The following OIP5 variants were observed in gnomAD, a reference collection of about 807,000 sequenced individuals.
OIP5 encodes the protein Opa interacting protein 5, also known as protein Mis18-beta.
In OIP5, 24 loss-of-function variants were observed where a neutral mutation model predicts 20.3. The observed-to-expected ratio is 1.18, with a 90% CI of 0.86 to 1.66. OIP5 has a LOEUF of 1.66. Among genes scored for constraint, OIP5 ranks in the 40% most tolerant of loss-of-function variants. OIP5 has a pLI of 0.00. For missense variants in OIP5, 339 were observed against 289.5 expected, an observed-to-expected ratio of 1.17 and a Z score of -1.24; for synonymous variants, 143 against 121.3, an observed-to-expected ratio of 1.18 and a Z score of -1.17.
chr15:41,311,778 T>C (rs1429713184), intron 4 of OIP5, among the ~76,000 whole-genome samples: 1 of 152,126 alleles, frequency 6.6e-6, no homozygotes, highest in East Asian at 1.9e-4. Context: ...TTCACCATCT[T>C]GGCCAGGCTG....
Position 41,321,732 on chromosome 15 carries a change from CCTT to C in OIP5, c.390-1955_390-1953del, listed in dbSNP as rs1430319566. ...AACAGATGCTTGAAGGCAGCATGCT[CCTT>C]AAGAGTCATCACCACTCCCTAATCT... is the stretch of plus-strand genomic sequence containing the variant. On this transcript the variant is annotated intron_variant, in intron 2 of 4. Coordinates refer to ENST00000220514, the MANE Select transcript of OIP5 (RefSeq NM_007280.2). 3.9e-3 allele frequency among the ~76,000 whole-genome samples: 591 copies of C among 151,560 alleles called. 4 individuals are homozygous for C. The highest frequency in any genetic ancestry group is 0.014 in the African/African-American group (565 of 41,298).
At chr15:41,315,273 T>C (rs2047782826) in intron 3 of OIP5, among the ~76,000 whole-genome samples, 2 of 151,492 alleles carry the variant, frequency 1.3e-5, no homozygotes, top group Non-Finnish European at 1.5e-5. Flanking sequence ...CTAATAAAAA[T>C]ACAAAAATTA....
At chr15:41,327,621 C>G (rs936470851) in intron 2 of OIP5, among the ~76,000 whole-genome samples, 2 of 151,852 alleles carry the variant, frequency 1.3e-5, no homozygotes, top group African/African-American at 4.8e-5. Context: ...AACCCCGTCT[C>G]TACTAAAATA....
At chr15:41,319,906 G>C in intron 2 of OIP5, 126 bp from the exon 3 acceptor site, 2 of 710,576 alleles carry the variant, frequency 2.8e-6, no homozygotes, top group African/African-American at 3.6e-5. Context: ...ATAGGAATGA[G>C]ACGGAAAGAA....
chr15:41,326,578 C>G (rs1355592471), intron 2 of OIP5, among the ~76,000 whole-genome samples: 1 of 152,168 alleles, frequency 6.6e-6, no homozygotes, highest in African/African-American at 2.4e-5. Context: ...CAGGCGTGCA[C>G]CACCACGCTT....
chr15:41,315,357 A>G (rs967845481), intron 3 of OIP5, among the ~76,000 whole-genome samples: 4 of 151,072 alleles, frequency 2.6e-5, no homozygotes, highest in Non-Finnish European at 5.9e-5. Context: ...TGAACCTGGG[A>G]GGCGGAGGTT....
intron 4 of OIP5, among the ~76,000 whole-genome samples, chr15:41,310,309 TACA>T (rs1486757583): frequency 6.6e-6 from 1 of 152,144 alleles, no homozygotes; most frequent in Non-Finnish European, 1.5e-5. Context: ...AAGAACTTTA[TACA>T]ACAACGTAGC....
In OIP5 at chr15:41,331,899, A is replaced by G; in HGVS notation, c.389+16T>C. ...AAAGTCAGGGACTAGAGACCAATGT[A>G]ATTATCAATACGTACCTGCCTTTGA... On this transcript the variant is annotated intron_variant, in intron 2 of 4. Coordinates refer to ENST00000220514, the MANE Select transcript of OIP5 (RefSeq NM_007280.2). 1 of 1,608,102 alleles carries G rather than the reference A, an allele frequency of 6.2e-7. No homozygotes were observed. Among genetic ancestry groups the G allele is most frequent in the Non-Finnish European group, 8.5e-7 (1 of 1,174,542 alleles).
chr15:41,332,517 C>T lies in OIP5; in HGVS notation c.45G>A (p.Pro15=), dbSNP rs1246417070. The T allele has an allele frequency of 1.9e-6, 3 of 1,612,766 alleles. No homozygotes were observed. Among genetic ancestry groups the T allele is most frequent in the Admixed American group, 1.7e-5 (1 of 59,572 alleles). ...PLRHRSRCAT[P]PRGDFCGGTE... is the part of the protein sequence containing the mutation. ...TGCCACCACAAAAGTCCCCCCGGGG[C>T]GGCGTTGCACAACGTGAGCGATGCC... The change falls in exon 1 of 5, where the codon CCG becomes CCA. Residue 15 remains proline (P), a synonymous_variant. Transcript: ENST00000220514.
intron 2 of OIP5, among the ~76,000 whole-genome samples, chr15:41,331,284 T>C (rs1381850922): frequency 2.6e-5 from 4 of 152,240 alleles, no homozygotes; most frequent in African/African-American, 4.8e-5. Flanking sequence ...TTCAAGTACA[T>C]AACATTCTAG....
chr15:41,315,362 G>A (rs1347558986), intron 3 of OIP5, among the ~76,000 whole-genome samples: 1 of 151,256 alleles, frequency 6.6e-6, no homozygotes, highest in Admixed American at 6.6e-5. Context: ...CTGGGAGGCG[G>A]AGGTTGCAAT....
chr15:41,332,290 A>C lies in OIP5; in HGVS notation c.272T>G (p.Val91Gly), dbSNP rs1260458236. The change falls in exon 1 of 5, where the codon GTG (valine) becomes GGG (glycine). Residue 91 changes from valine (V) to glycine (G), a missense_variant. Physicochemically the swap from Val to Gly is moderately radical, Grantham distance 109 (BLOSUM62 -3). Transcript: ENST00000220514. ...AQCHAVLADS[V>G]HLAWDLSRSL... is the part of the protein sequence containing the mutation. ...CCGCGACAGGTCCCAGGCGAGGTGC[A>C]CCGAGTCGGCGAGCACTGCGTGACA... 33 of 1,579,110 alleles carry C rather than the reference A, an allele frequency of 2.1e-5. No individual in the cohort carries two copies. The highest frequency in any genetic ancestry group is 2.8e-5 in the Non-Finnish European group (33 of 1,162,468).
At chr15:41,316,923 A>G (rs2047792106) in intron 3 of OIP5, among the ~76,000 whole-genome samples, 1 of 152,050 alleles carries the variant, frequency 6.6e-6, no homozygotes, top group Non-Finnish European at 1.5e-5. Flanking sequence ...TTCTTAAACT[A>G]TATTAAGAAC....
chr15:41,313,496 T>C, intron 3 of OIP5, 142 bp from the exon 4 acceptor site: 4 of 582,088 alleles, frequency 6.9e-6, no homozygotes, highest in Non-Finnish European at 1.2e-5. Context: ...GATGTTACAG[T>C]TGGCCCACCA....
chr15:41,327,007 C>T (rs1178867853), intron 2 of OIP5, among the ~76,000 whole-genome samples: 1 of 148,008 alleles, frequency 6.8e-6, no homozygotes. Flanking sequence ...TACAAGACAA[C>T]AGGAAGTAAT....
In OIP5 at chr15:41,319,488, C is replaced by T. The variant is rs140876068; in HGVS notation, c.512+170G>A. On this transcript the variant is annotated intron_variant, in intron 3 of 4. Coordinates refer to ENST00000220514, the MANE Select transcript of OIP5 (RefSeq NM_007280.2). ...CAGGCTGGTCTCAAACTCCTGACCTCGAGTGATCCACCGCCTCAGCCTCCT... is the reference window on the plus strand; with the variant it reads ...CAGGCTGGTCTCAAACTCCTGACCTTGAGTGATCCACCGCCTCAGCCTCCT... Among the ~76,000 whole-genome samples the T allele has an allele frequency of 1.5e-3, 227 of 152,154 alleles. No individual in the cohort carries two copies. In the East Asian group the frequency reaches 0.022, roughly 14 times the overall value.
In OIP5 at chr15:41,309,460, G is replaced by C; in HGVS notation, c.*294C>G. On this transcript the variant is annotated 3_prime_UTR_variant, in exon 5 of 5. Transcript: ENST00000220514. ...TAGATCAGAGGACACATGGGACTCT[G>C]CATCTTAATTCCTAAATTTACAGTC... is the stretch of plus-strand genomic sequence containing the variant. 4.2e-6 allele frequency: 1 copy of C among 235,950 alleles called. No individual in the cohort carries two copies. The highest frequency in any genetic ancestry group is 7.0e-5 in the South Asian group (1 of 14,274). 14.6% of individuals were successfully genotyped at this position (235,950 alleles called of 1,614,324 possible). A position where few individuals can be genotyped will look rare whatever the true frequency, so the allele number is the denominator to read the frequency against.
intron 2 of OIP5, among the ~76,000 whole-genome samples, chr15:41,330,337 G>A (rs1029051874): frequency 2.6e-5 from 4 of 151,322 alleles, no homozygotes; most frequent in African/African-American, 9.7e-5. Context: ...GACCTCTGGT[G>A]ATCTGCCTGT....
rs756130899 is a variant in OIP5 at position 41,329,612 on chromosome 15, C to T, written c.389+2303G>A. On this transcript the variant is annotated intron_variant, in intron 2 of 4. Transcript: ENST00000220514. ...TATAGGTGTAAGCCACTGCACCTGG[C>T]CTTCCTCCAGTTTTTTACAAAGCAT... is the stretch of plus-strand genomic sequence containing the variant. Among the ~76,000 whole-genome samples the T allele has an allele frequency of 4.9e-4, 75 of 152,024 alleles. 1 individual carries two copies. Among genetic ancestry groups the T allele is most frequent in the Non-Finnish European group, 9.7e-4 (66 of 68,012 alleles).
Sources: gnomAD v4.1 joint callset for allele counts (sites outside exome capture counted in the v4.1 genomes callset) on GRCh38, gnomAD v4.1.1 for gene constraint, MANE v1.5 for transcripts, NCBI Gene and HGNC (gene_info 2026-07-23, HGNC 2026-07-21) for gene names.